PTPRT: variants seen among roughly 807,000 people sequenced by gnomAD.
PTPRT encodes the protein protein tyrosine phosphatase receptor type T, also known as receptor-type tyrosine-protein phosphatase T.
PTPRT carries 56 observed loss-of-function variants against 176.8 expected under a neutral mutation model. That is an observed-to-expected ratio of 0.32 (90% CI 0.26 to 0.40). The LOEUF (loss-of-function observed/expected upper bound fraction) is 0.40. Ranked by LOEUF, PTPRT falls within the 10% of genes least tolerant of loss-of-function variation. PTPRT has a pLI of 1.00. For missense variants in PTPRT, 1,540 were observed against 1,908.2 expected, an observed-to-expected ratio of 0.81 and a Z score of 3.60; for synonymous variants, 783 against 739.0, an observed-to-expected ratio of 1.06 and a Z score of -0.96.
At chr20:42,538,515 A>T (rs955962270) in intron 7 of PTPRT, among the ~76,000 whole-genome samples, 1 of 152,200 alleles carries the variant, frequency 6.6e-6, no homozygotes, top group African/African-American at 2.4e-5. Flanking sequence ...CCCCCTAATC[A>T]GAGGAGCATC....
intron 9 of PTPRT, among the ~76,000 whole-genome samples, chr20:42,441,629 T>C (rs1177761427): frequency 6.6e-6 from 1 of 152,116 alleles, no homozygotes; most frequent in Non-Finnish European, 1.5e-5. Context: ...GGAACTGAAA[T>C]GCTCCAAGCA....
At chr20:43,024,711 A>G (rs1007071548) in intron 1 of PTPRT, among the ~76,000 whole-genome samples, 4 of 152,218 alleles carry the variant, frequency 2.6e-5, no homozygotes, top group African/African-American at 9.6e-5. Context: ...CTTGGCCACT[A>G]TTCCATTGGG....
At chr20:42,714,735 C>T (rs143162084) in intron 6 of PTPRT, among the ~76,000 whole-genome samples, 1 of 152,302 alleles carries the variant, frequency 6.6e-6, no homozygotes, top group African/African-American at 2.4e-5. Context: ...CTAGACCCGA[C>T]ACAGAGAGGT....
intron 18 of PTPRT, among the ~76,000 whole-genome samples, chr20:42,133,068 G>A (rs916825203): frequency 2.6e-5 from 4 of 152,014 alleles, no homozygotes; most frequent in African/African-American, 4.8e-5. Context: ...ACATATAAAC[G>A]TTCTGTTTTT....
At chr20:42,830,544 G>A (rs886152936) in intron 2 of PTPRT, among the ~76,000 whole-genome samples, 2 of 152,126 alleles carry the variant, frequency 1.3e-5, no homozygotes, top group African/African-American at 4.8e-5. Context: ...TACACAACAG[G>A]GATGCTCTCT....
intron 1 of PTPRT, among the ~76,000 whole-genome samples, chr20:43,175,225 A>C (rs2146468749): frequency 6.6e-6 from 1 of 152,328 alleles, no homozygotes; most frequent in East Asian, 1.9e-4. Flanking sequence ...GATGGCTAAG[A>C]AGGTCCCCTC....
chr20:42,591,510 C>G (rs1034248448), intron 7 of PTPRT, among the ~76,000 whole-genome samples: 6 of 152,146 alleles, frequency 3.9e-5, no homozygotes, highest in African/African-American at 1.4e-4. Flanking sequence ...GTTATGTGAC[C>G]TGGAACATAA....
intron 1 of PTPRT, among the ~76,000 whole-genome samples, chr20:43,061,010 A>C (rs1346042431): frequency 1.3e-5 from 2 of 152,232 alleles, no homozygotes; most frequent in Non-Finnish European, 2.9e-5. Flanking sequence ...TAAAATAGAT[A>C]GCTAGATATC....
In PTPRT at chr20:42,143,489, G is replaced by A. The variant is rs185042300; in HGVS notation, c.2683-1487C>T. 2.1e-3 allele frequency among the ~76,000 whole-genome samples: 320 copies of A among 151,686 alleles called. 2 individuals are homozygous for A. The highest frequency in any genetic ancestry group is 4.7e-3 in the Admixed American group (71 of 15,244). ...GGAGAATGGCGTGAACCCGGGAAGC[G>A]GAGCTGGCAATGAGCTGAGAGCACG... is the stretch of plus-strand genomic sequence containing the variant. On this transcript the variant is annotated intron_variant, in intron 17 of 30. Transcript: ENST00000373187.
At chr20:43,008,092 A>C (rs1342030413) in intron 1 of PTPRT, among the ~76,000 whole-genome samples, 1 of 152,234 alleles carries the variant, frequency 6.6e-6, no homozygotes, top group Non-Finnish European at 1.5e-5. Context: ...AGAAATGGCC[A>C]TACAGTCTTC....
At chr20:42,750,635 T>G (rs1467102228) in intron 6 of PTPRT, among the ~76,000 whole-genome samples, 1 of 152,194 alleles carries the variant, frequency 6.6e-6, no homozygotes, top group Non-Finnish European at 1.5e-5. Context: ...CTCATACTGA[T>G]GAGTGTTCTG....
chr20:42,953,256 C>A (rs1251907380), intron 1 of PTPRT, among the ~76,000 whole-genome samples: 1 of 152,186 alleles, frequency 6.6e-6, no homozygotes, highest in Non-Finnish European at 1.5e-5. Context: ...GTGCCTTCCA[C>A]CACTGCCAAG....
chr20:42,900,369 G>A (rs555178558), intron 1 of PTPRT, among the ~76,000 whole-genome samples: 9 of 152,320 alleles, frequency 5.9e-5, no homozygotes, highest in African/African-American at 2.2e-4. Context: ...AGTGGTCCCT[G>A]ATGGTGAGCA....
At chr20:42,635,212 A>G (rs946906695) in intron 7 of PTPRT, among the ~76,000 whole-genome samples, 7 of 151,076 alleles carry the variant, frequency 4.6e-5, no homozygotes, top group African/African-American at 1.7e-4. Context: ...TAAACTTTGG[A>G]AAGTCACACT....
chr20:42,196,066 A>G (rs1236408789), intron 16 of PTPRT, among the ~76,000 whole-genome samples: 2 of 152,238 alleles, frequency 1.3e-5, no homozygotes, highest in Admixed American at 1.3e-4. Flanking sequence ...GAGAACCAAT[A>G]TCTAAAATTT....
At chr20:42,179,729 A>T (rs1172001772) in intron 16 of PTPRT, among the ~76,000 whole-genome samples, 3 of 152,224 alleles carry the variant, frequency 2.0e-5, no homozygotes, top group African/African-American at 7.2e-5. Context: ...GCCAGCTAAC[A>T]TCCTTAACAG....
chr20:42,288,214 C>G (rs559878266), intron 12 of PTPRT, among the ~76,000 whole-genome samples: 4 of 152,090 alleles, frequency 2.6e-5, no homozygotes, highest in African/African-American at 9.6e-5. Context: ...TCAACATTGC[C>G]AGCACCTCAG....
Position 42,258,879 on chromosome 20 carries a change from A to C in PTPRT, c.2177-10057T>G, listed in dbSNP as rs73254740. ...GATAGCTCTACCCTTGCTGTGGAAA[A>C]CCACTTAATAAGTACTGTTAAATGC... On this transcript the variant is annotated intron_variant, in intron 13 of 30. Transcript: ENST00000373187. Among the ~76,000 whole-genome samples, 524 of 152,308 alleles carry C rather than the reference A, an allele frequency of 3.4e-3. 4 individuals are homozygous for C. Among genetic ancestry groups the C allele is most frequent in the African/African-American group, 0.012 (502 of 41,576 alleles).
chr20:43,090,275 T>C (rs562147558), intron 1 of PTPRT, among the ~76,000 whole-genome samples: 1 of 152,130 alleles, frequency 6.6e-6, no homozygotes, highest in South Asian at 2.1e-4. Flanking sequence ...TGACTATTTT[T>C]TTTTTTTTTT....
Sources: gnomAD v4.1 joint callset for allele counts (sites outside exome capture counted in the v4.1 genomes callset) on GRCh38, gnomAD v4.1.1 for gene constraint, MANE v1.5 for transcripts, NCBI Gene and HGNC (gene_info 2026-07-23, HGNC 2026-07-21) for gene names.